The following CACNA1C variants were observed in gnomAD, a reference collection of about 807,000 sequenced individuals.
CACNA1C encodes calcium voltage-gated channel subunit alpha1 C.
Under a neutral mutation model 229.0 loss-of-function variants are expected in CACNA1C, and 30 were observed. The observed-to-expected ratio is 0.13, with a 90% CI of 0.10 to 0.18. The LOEUF (loss-of-function observed/expected upper bound fraction) is 0.18, where lower values mean the gene tolerates loss of function less well. CACNA1C is among the 10% of genes least tolerant of loss of function. The pLI, the probability that CACNA1C is intolerant of heterozygous loss-of-function variation, is 1.00. For missense variants in CACNA1C, 1,658 were observed against 2,845.0 expected (o/e 0.58, Z 9.49); for synonymous variants, 1,114 against 1,132.5 (o/e 0.98, Z 0.33).
intron 7 of CACNA1C, among the ~76,000 whole-genome samples, chr12:2,497,314 G>C (rs1036004253): frequency 1.3e-4 from 20 of 152,182 alleles, no homozygotes; most frequent in Non-Finnish European, 2.8e-4. Flanking sequence ...TTTCAGTGCT[G>C]ACTTTGTGTT....
At chr12:2,154,818 C>T (rs1332569137) in intron 3 of CACNA1C, among the ~76,000 whole-genome samples, 1 of 152,186 alleles carries the variant, frequency 6.6e-6, no homozygotes, top group African/African-American at 2.4e-5. Flanking sequence ...GTTTATCAGC[C>T]TTGTCTTGCC....
At chr12:2,389,330 A>G (rs148214148) in intron 3 of CACNA1C, among the ~76,000 whole-genome samples, 1 of 152,242 alleles carries the variant, frequency 6.6e-6, no homozygotes, top group Non-Finnish European at 1.5e-5. Context: ...ACACTGTGCC[A>G]AGCAGTGGGA....
intron 14 of CACNA1C, among the ~76,000 whole-genome samples, chr12:2,582,210 A>G (rs545616447): frequency 2.0e-5 from 3 of 152,224 alleles, no homozygotes; most frequent in East Asian, 1.9e-4. Flanking sequence ...CCCAAAACAT[A>G]AAGAAAAGCA....
At chr12:2,358,775 G>A (rs2154529837) in intron 3 of CACNA1C, among the ~76,000 whole-genome samples, 1 of 152,148 alleles carries the variant, frequency 6.6e-6, no homozygotes, top group South Asian at 2.1e-4. Context: ...TTAGAAACTG[G>A]TGCCCACTTT....
intron 9 of CACNA1C, among the ~76,000 whole-genome samples, chr12:2,544,157 A>C (rs954356069): frequency 7.9e-5 from 12 of 152,176 alleles, no homozygotes; most frequent in Admixed American, 2.0e-4. Flanking sequence ...TGAAAAAAAA[A>C]AAAAAACCTG....
At position 2,107,937 on chromosome 12, in the gene CACNA1C, C is replaced by T. The variant is rs117181652; in HGVS notation, c.50-7287C>T. Among the ~76,000 whole-genome samples the T allele has an allele frequency of 2.2e-3, 329 of 152,300 alleles. 2 individuals carry two copies. Among genetic ancestry groups the T allele is most frequent in the Non-Finnish European group, 4.0e-3 (271 of 68,022 alleles). ...CACAACCTGTGTTGCCCAGTGTGGG[C>T]GCCTCTAGCCACATGTGACTATCTG... On this transcript the variant is annotated intron_variant, in intron 1 of 46. Transcript: ENST00000399655.
intron 2 of CACNA1C, 48 bp downstream of exon 2, chr12:2,115,593 G>A (rs1359889205): frequency 6.3e-7 from 1 of 1,584,124 alleles, no homozygotes; most frequent in Middle Eastern, 1.7e-4. Context: ...CCTGCACGCT[G>A]GGTCCAGCCC....
At position 2,651,514 on chromosome 12, in the gene CACNA1C, T is replaced by A; in HGVS notation, c.3946-126T>A. 1 of 1,424,230 alleles carries A rather than the reference T, an allele frequency of 7.0e-7. No homozygotes were observed. Among genetic ancestry groups the A allele is most frequent in the Non-Finnish European group, 9.8e-7 (1 of 1,015,574 alleles). 88.2% of individuals were successfully genotyped at this position (1,424,230 alleles called of 1,614,324 possible). On this transcript the variant is annotated intron_variant, in intron 31 of 46. Coordinates refer to ENST00000399655, the MANE Select transcript of CACNA1C (RefSeq NM_000719.7). This position sits in a 1 kb window ranked among gnomAD's most constrained non-coding sequence, Gnocchi z 5.4. Reference sequence around the variant, plus strand: ...CGCCCTCCCATCGGAGGGGGAAGTCTAGTGCAGCAAACCCTGGCCTGCCTT... The same window carrying A: ...CGCCCTCCCATCGGAGGGGGAAGTCAAGTGCAGCAAACCCTGGCCTGCCTT...
chr12:2,582,989 C>G, intron 15 of CACNA1C, 47 bp downstream of exon 15: 3 of 1,409,520 alleles, frequency 2.1e-6, no homozygotes, highest in Non-Finnish European at 2.9e-6. Context: ...CAGCCCCCAG[C>G]CTGCAGCACA....
intron 9 of CACNA1C, among the ~76,000 whole-genome samples, chr12:2,531,850 C>T (rs1236316563): frequency 2.0e-5 from 3 of 152,188 alleles, no homozygotes; most frequent in African/African-American, 7.2e-5. Flanking sequence ...GTCATCCCCA[C>T]CTATGTGTGA....
intron 3 of CACNA1C, among the ~76,000 whole-genome samples, chr12:2,235,186 C>T (rs1461984900): frequency 1.3e-5 from 2 of 152,096 alleles, no homozygotes; most frequent in Non-Finnish European, 2.9e-5. Flanking sequence ...AGAGTAAACA[C>T]TGTCTGTGGT....
chr12:2,542,282 A>G (rs1481559871), intron 9 of CACNA1C, among the ~76,000 whole-genome samples: 1 of 152,144 alleles, frequency 6.6e-6, no homozygotes, highest in Non-Finnish European at 1.5e-5. Flanking sequence ...ATGAGACCCA[A>G]TTTCTTTTTA....
At position 2,058,303 on chromosome 12, in the gene CACNA1C, TC is replaced by T. The variant is rs1448551317; in HGVS notation, c.49+4694del. On this transcript the variant is annotated intron_variant, in intron 1 of 46. Transcript: ENST00000399655. ...GGTCAGCCGGCGTCATCTCACCTCT[TC>T]CTTGCTGGGACCCTGAAATCAGTGC... Among the ~76,000 whole-genome samples, 4 of 152,336 alleles carry T rather than the reference TC, an allele frequency of 2.6e-5. No homozygotes were observed. The East Asian group carries it at 7.7e-4, about 29-fold the overall frequency.
At chr12:2,338,270 A>C (rs1018919934) in intron 3 of CACNA1C, among the ~76,000 whole-genome samples, 2 of 152,168 alleles carry the variant, frequency 1.3e-5, no homozygotes, top group African/African-American at 4.8e-5. Context: ...AGTAAGTCAG[A>C]GAATCGGTAA....
intron 3 of CACNA1C, among the ~76,000 whole-genome samples, chr12:2,268,228 T>G (rs554824847): frequency 6.6e-6 from 1 of 152,112 alleles, no homozygotes; most frequent in Non-Finnish European, 1.5e-5. Context: ...GAAGAGGGTT[T>G]AGCTTTCAAG....
At chr12:2,383,117 C>T (rs941381270) in intron 3 of CACNA1C, among the ~76,000 whole-genome samples, 3 of 152,212 alleles carry the variant, frequency 2.0e-5, no homozygotes, top group African/African-American at 7.2e-5. Flanking sequence ...TCAGCCTTCT[C>T]TTCCATAAAA....
chr12:2,572,751 T>TTCC (rs1245999129), intron 13 of CACNA1C, among the ~76,000 whole-genome samples: 1 of 101,992 alleles, frequency 9.8e-6, no homozygotes, highest in African/African-American at 3.9e-5. Flanking sequence ...CCTTCTCCTC[T>TTCC]TCCTCCTCCT....
chr12:2,640,527 C>T (rs1433117754), intron 30 of CACNA1C, among the ~76,000 whole-genome samples: 8 of 152,350 alleles, frequency 5.3e-5, no homozygotes, highest in Admixed American at 2.0e-4. Context: ...AGAAGGCAAA[C>T]GCCAGGAGGC....
rs367744988 is a variant in CACNA1C at position 2,553,173 on chromosome 12, C to A, written c.1481+3140C>A. Among the ~76,000 whole-genome samples, 8 of 152,280 alleles carry A rather than the reference C, an allele frequency of 5.3e-5. No individual in the cohort carries two copies. The South Asian group carries it at 6.2e-4, about 12-fold the overall frequency. On this transcript the variant is annotated intron_variant, in intron 10 of 46. Transcript: ENST00000399655. ...CTTGGCCAAAGCACTCCGCTCTGGG[C>A]CTCAGCCTCGTCCTCTGGGAAAAAG... is the stretch of plus-strand genomic sequence containing the variant.
Sources: allele counts gnomAD v4.1 joint callset (sites outside exome capture counted in the v4.1 genomes callset), GRCh38; gene constraint gnomAD v4.1.1; non-coding constraint Gnocchi (gnomAD v3.1); transcripts MANE v1.5; gene names NCBI Gene and HGNC (gene_info 2026-07-23, HGNC 2026-07-21).